The following NWD2 variants were observed in gnomAD, a reference collection of about 807,000 sequenced individuals.
NWD2 encodes NACHT and WD repeat domain containing 2, also known as NACHT and WD repeat domain-containing protein 2.
In NWD2, 37 loss-of-function variants were observed where a neutral mutation model predicts 132.7. That is an observed-to-expected ratio of 0.28 (90% CI 0.21 to 0.37). The LOEUF is 0.37. Among genes scored for constraint, NWD2 ranks in the 10% least tolerant of loss-of-function variants. The pLI is 1.00. For synonymous variants in NWD2, 705 were observed against 803.0 expected (o/e 0.88, Z 2.06); for missense variants, 1,592 against 2,122.4 (o/e 0.75, Z 4.91).
chr4:37,422,436 T>A (rs1164224870), intron 3 of NWD2, among the ~76,000 whole-genome samples: 1 of 152,172 alleles, frequency 6.6e-6, no homozygotes, highest in Non-Finnish European at 1.5e-5. Flanking sequence ...GACCACACAT[T>A]TTTTTACCTT....
chr4:37,323,200 C>T (rs548065302), intron 1 of NWD2, among the ~76,000 whole-genome samples: 2 of 152,184 alleles, frequency 1.3e-5, no homozygotes, highest in South Asian at 4.2e-4. Flanking sequence ...CTGCAGGAAG[C>T]AGTCATTAAA....
chr4:37,291,346 G>A (rs1718356151), intron 1 of NWD2, among the ~76,000 whole-genome samples: 1 of 151,990 alleles, frequency 6.6e-6, no homozygotes, highest in Non-Finnish European at 1.5e-5. Context: ...AATCTACGGT[G>A]ATTCAGCTGC....
chr4:37,358,605 A>G (rs760741372), intron 3 of NWD2, among the ~76,000 whole-genome samples: 1 of 152,116 alleles, frequency 6.6e-6, no homozygotes, highest in Non-Finnish European at 1.5e-5. Flanking sequence ...GCTGTGTGGC[A>G]CTGCAGGAGT....
chr4:37,407,443 C>T (rs1721067273), intron 3 of NWD2, among the ~76,000 whole-genome samples: 1 of 152,112 alleles, frequency 6.6e-6, no homozygotes, highest in Admixed American at 6.5e-5. Flanking sequence ...TTCTGTGGGA[C>T]AATATTTGCA....
intron 3 of NWD2, among the ~76,000 whole-genome samples, chr4:37,405,193 C>G (rs1304199730): frequency 6.6e-6 from 1 of 152,144 alleles, no homozygotes; most frequent in Admixed American, 6.6e-5. Flanking sequence ...TTTATGACAG[C>G]ATCATCTTGA....
At chr4:37,247,862 A>C (rs1717277455) in intron 1 of NWD2, among the ~76,000 whole-genome samples, 1 of 152,132 alleles carries the variant, frequency 6.6e-6, no homozygotes, top group African/African-American at 2.4e-5. Flanking sequence ...CACCTGCCTC[A>C]GCCTCCCAAA....
At chr4:37,303,243 G>T (rs1395016256) in intron 1 of NWD2, among the ~76,000 whole-genome samples, 1 of 152,058 alleles carries the variant, frequency 6.6e-6, no homozygotes, top group Non-Finnish European at 1.5e-5. Flanking sequence ...CACCTTTGTT[G>T]AGAAACAGTT....
chr4:37,413,292 C>G (rs1177494046), intron 3 of NWD2, among the ~76,000 whole-genome samples: 3 of 152,230 alleles, frequency 2.0e-5, no homozygotes, highest in Non-Finnish European at 2.9e-5. Context: ...GCAAACAACC[C>G]CATCAAAAAG....
intron 2 of NWD2, among the ~76,000 whole-genome samples, chr4:37,333,595 C>A (rs1486333605): frequency 2.0e-5 from 3 of 152,092 alleles, no homozygotes; most frequent in African/African-American, 7.2e-5. Flanking sequence ...CCTGAAAAAA[C>A]CTTCCCAAGA....
At chr4:37,405,389 T>G (rs1720978201) in intron 3 of NWD2, among the ~76,000 whole-genome samples, 1 of 151,552 alleles carries the variant, frequency 6.6e-6, no homozygotes, top group Non-Finnish European at 1.5e-5. Context: ...TTCTGTCTAG[T>G]AGGTTGCCAT....
rs568016446 is a variant in NWD2, at chr4:37,308,727, C to A, written c.152-17209C>A. ...CCAGTGGCAGCAATTCTCAGGTGAG[C>A]CAGTCCTCAGGCCCCTGGTTGAGGG... On this transcript the variant is annotated intron_variant, in intron 1 of 6. Coordinates refer to ENST00000309447, the MANE Select transcript of NWD2 (RefSeq NM_001144990.2). Among the ~76,000 whole-genome samples the A allele has an allele frequency of 6.6e-5, 10 of 152,226 alleles. No individual in the cohort carries two copies. In the South Asian group the frequency reaches 2.1e-3, roughly 32 times the overall value.
chr4:37,411,990 T>C (rs1404681335), intron 3 of NWD2, among the ~76,000 whole-genome samples: 1 of 152,142 alleles, frequency 6.6e-6, no homozygotes, highest in Non-Finnish European at 1.5e-5. Flanking sequence ...TATATCGAAA[T>C]AATAAGAGCT....
intron 2 of NWD2, among the ~76,000 whole-genome samples, chr4:37,340,945 A>C (rs1486712686): frequency 6.6e-6 from 1 of 152,182 alleles, no homozygotes; most frequent in Non-Finnish European, 1.5e-5. Context: ...AATTTGAACC[A>C]AGGTAGTTTG....
chr4:37,445,048 T>C lies in NWD2; in HGVS notation c.3060T>C (p.Asp1020=). ...TCCTGGGCATGAAACTCACCAGTGA[T>C]GAAAAGTACCTTGTGGTGGCTACAA... is the stretch of plus-strand genomic sequence containing the variant. ...SVILGMKLTS[D]EKYLVVATTN... The change falls in exon 7 of 7, where the codon GAT becomes GAC. Residue 1020 remains aspartate, a synonymous_variant. Coordinates refer to ENST00000309447, the MANE Select transcript of NWD2 (RefSeq NM_001144990.2). This position sits in a 1 kb window ranked among gnomAD's most constrained non-coding sequence, Gnocchi z 4.7. 6 of 1,551,880 alleles carry C rather than the reference T, an allele frequency of 3.9e-6. No homozygotes were observed. The highest frequency in any genetic ancestry group is 5.2e-6 in the Non-Finnish European group (6 of 1,147,030).
intron 3 of NWD2, among the ~76,000 whole-genome samples, chr4:37,406,858 T>C (rs961128176): frequency 4.6e-5 from 7 of 152,176 alleles, no homozygotes; most frequent in African/African-American, 1.4e-4. Context: ...ATCATGCCAT[T>C]GCACTCCAGC....
chr4:37,421,709 C>T (rs906454022), intron 3 of NWD2, among the ~76,000 whole-genome samples: 1 of 152,196 alleles, frequency 6.6e-6, no homozygotes, highest in African/African-American at 2.4e-5. Flanking sequence ...GACTTGACCG[C>T]CTCATTTTAC....
chr4:37,422,810 A>G (rs995651138), intron 3 of NWD2, among the ~76,000 whole-genome samples: 1 of 152,202 alleles, frequency 6.6e-6, no homozygotes, highest in Non-Finnish European at 1.5e-5. Flanking sequence ...ATCTGCTTAC[A>G]TCACTCCTAA....
At position 37,446,517 on chromosome 4, in the gene NWD2, A is replaced by G. The variant is rs1712639990; in HGVS notation, c.4529A>G (p.Asp1510Gly). The G allele has an allele frequency of 1.3e-6, 2 of 1,551,628 alleles. No homozygotes were observed. The highest frequency in any genetic ancestry group is 1.7e-6 in the Non-Finnish European group (2 of 1,147,012). ...ACTGTGAACATCTGGAGTCTGACAG[A>G]TGAAGTGATCTGTCGGCGCGTGCAA... ...AETVNIWSLT[D>G]EVICRRVQLP... Residue 1510 changes from aspartate to glycine, a missense_variant, in exon 7 of 7, where the codon GAT becomes GGT. Coordinates refer to ENST00000309447, the MANE Select transcript of NWD2 (RefSeq NM_001144990.2). This position sits in a 1 kb window ranked among gnomAD's most constrained non-coding sequence, Gnocchi z 6.7.
At chr4:37,359,030 C>T (rs1382966454) in intron 3 of NWD2, among the ~76,000 whole-genome samples, 2 of 152,090 alleles carry the variant, frequency 1.3e-5, no homozygotes, top group Admixed American at 6.5e-5. Flanking sequence ...ACAGCTTTAC[C>T]GTAATCCAGC....
Sources: allele counts gnomAD v4.1 joint callset (sites outside exome capture counted in the v4.1 genomes callset), GRCh38; gene constraint gnomAD v4.1.1; non-coding constraint Gnocchi (gnomAD v3.1); transcripts MANE v1.5; gene names NCBI Gene and HGNC (gene_info 2026-07-23, HGNC 2026-07-21).